ADGRB3: variants seen among roughly 807,000 people sequenced by gnomAD.
ADGRB3 encodes adhesion G protein-coupled receptor B3, also known as brain-specific angiogenesis inhibitor 3.
In ADGRB3, 37 loss-of-function variants were observed where a neutral mutation model predicts 193.4. The ratio of observed to expected loss-of-function variants is 0.19; its 90% confidence interval spans 0.15 to 0.25. The LOEUF (loss-of-function observed/expected upper bound fraction) is 0.25. Among genes scored for constraint, ADGRB3 ranks in the 10% least tolerant of loss-of-function variants. The pLI is 1.00. For missense variants in ADGRB3, 1,637 were observed against 1,852.9 expected, an observed-to-expected ratio of 0.88 and a Z score of 2.14; for synonymous variants, 690 against 644.2, an observed-to-expected ratio of 1.07 and a Z score of -1.08.
intron 3 of ADGRB3, among the ~76,000 whole-genome samples, chr6:68,678,343 A>G (rs1764806914): frequency 6.6e-6 from 1 of 152,216 alleles, no homozygotes; most frequent in Non-Finnish European, 1.5e-5. Context: ...TTTGATAAAA[A>G]CAGGAAGGTC....
intron 3 of ADGRB3, among the ~76,000 whole-genome samples, chr6:68,807,390 C>A (rs367704971): frequency 2.0e-5 from 3 of 151,898 alleles, no homozygotes; most frequent in Non-Finnish European, 2.9e-5. Context: ...AGGCGCCCCC[C>A]ACCTTGCCCG....
At chr6:69,225,547 T>G (rs1765991922) in intron 17 of ADGRB3, among the ~76,000 whole-genome samples, 1 of 152,202 alleles carries the variant, frequency 6.6e-6, no homozygotes. Context: ...ACCAGGTAGA[T>G]GTCCTTAGGA....
At chr6:69,181,359 T>C (rs1209290292) in intron 17 of ADGRB3, among the ~76,000 whole-genome samples, 1 of 152,176 alleles carries the variant, frequency 6.6e-6, no homozygotes, top group Admixed American at 6.5e-5. Context: ...ATAATATTCT[T>C]ATTTTTTTAA....
intron 3 of ADGRB3, among the ~76,000 whole-genome samples, chr6:68,641,418 T>C (rs954392526): frequency 6.6e-6 from 1 of 152,150 alleles, no homozygotes; most frequent in South Asian, 2.1e-4. Flanking sequence ...AGCAGATGTA[T>C]AAATCATGGG....
intron 3 of ADGRB3, among the ~76,000 whole-genome samples, chr6:68,667,251 TA>T (rs899954326): frequency 6.6e-6 from 1 of 151,872 alleles, no homozygotes; most frequent in Admixed American, 6.6e-5. Context: ...AAGGAACTTG[TA>T]AGATTTACAA....
rs140234329 is a variant in ADGRB3, at chr6:68,702,208, AAGAGAGAGAG to A, written c.757+62789_757+62798del. On this transcript the variant is annotated intron_variant, in intron 3 of 31. Transcript: ENST00000370598. ...TCACATGGCAAGAACAGGAGCGAGA[AAGAGAGAGAG>A]AGAGAGAGAGAGGAGAGGGAGGGAA... is the stretch of plus-strand genomic sequence containing the variant. Among the ~76,000 whole-genome samples, 9 of 149,152 alleles carry A rather than the reference AAGAGAGAGAG, an allele frequency of 6.0e-5. No individual in the cohort carries two copies. In the East Asian group the frequency reaches 1.4e-3, roughly 23 times the overall value.
chr6:69,188,909 A>T (rs967172027), intron 17 of ADGRB3, among the ~76,000 whole-genome samples: 1 of 152,126 alleles, frequency 6.6e-6, no homozygotes, highest in Admixed American at 6.6e-5. Flanking sequence ...ATGCCTTTTT[A>T]TATGTATCTG....
intron 20 of ADGRB3, among the ~76,000 whole-genome samples, chr6:69,265,701 A>G (rs1422993352): frequency 6.6e-6 from 1 of 152,040 alleles, no homozygotes; most frequent in Non-Finnish European, 1.5e-5. Flanking sequence ...GGCTAATTTT[A>G]GAAATAGAAT....
chr6:69,165,088 G>A (rs1775097448), intron 17 of ADGRB3, among the ~76,000 whole-genome samples: 1 of 151,820 alleles, frequency 6.6e-6, no homozygotes. Flanking sequence ...ATTGCCACTA[G>A]GAGGACCTTT....
intron 30 of ADGRB3, 87 bp downstream of exon 30, chr6:69,372,528 C>A: frequency 1.7e-6 from 1 of 602,006 alleles, no homozygotes; most frequent in South Asian, 3.3e-5. Context: ...CTCTATGCAG[C>A]CATGTAAGGG....
intron 11 of ADGRB3, among the ~76,000 whole-genome samples, chr6:69,003,468 A>T (rs778885069): frequency 7.2e-5 from 11 of 152,154 alleles, no homozygotes; most frequent in African/African-American, 1.2e-4. Flanking sequence ...GAGCAAGGGG[A>T]TAAGAAAAAT....
chr6:68,650,705 T>A (rs2127280539), intron 3 of ADGRB3, among the ~76,000 whole-genome samples: 1 of 152,308 alleles, frequency 6.6e-6, no homozygotes, highest in Non-Finnish European at 1.5e-5. Flanking sequence ...CTTCTTCGTT[T>A]TATTCCGGAA....
At chr6:69,274,620 TC>T (rs1213914906) in intron 20 of ADGRB3, among the ~76,000 whole-genome samples, 1 of 93,564 alleles carries the variant, frequency 1.1e-5, no homozygotes, top group African/African-American at 3.7e-5. Flanking sequence ...CCTCCCTCCC[TC>T]CCTTCCTTCC....
rs1415511270 is a variant in ADGRB3 at position 68,772,884 on chromosome 6, A to AACAAAC, written c.757+133453_757+133454insCAAACA. On this transcript the variant is annotated intron_variant, in intron 3 of 31. Coordinates refer to ENST00000370598, the MANE Select transcript of ADGRB3 (RefSeq NM_001704.3). ...AAACAAACAAACAAACAAACAAACA[A>AACAAAC]AAAAAAAAAAATATATATATATATA... 2.0e-3 allele frequency among the ~76,000 whole-genome samples: 72 copies of AACAAAC among 35,272 alleles called. 1 individual carries two copies. Among genetic ancestry groups the AACAAAC allele is most frequent in the African/African-American group, 8.6e-3 (39 of 4,524 alleles). 23.1% of individuals were successfully genotyped at this position (35,272 alleles called of 152,430 possible). A position where few individuals can be genotyped will look rare whatever the true frequency, so the allele number is the denominator to read the frequency against.
chr6:69,149,176 C>T (rs1005343467), intron 17 of ADGRB3, among the ~76,000 whole-genome samples: 4 of 152,000 alleles, frequency 2.6e-5, no homozygotes, highest in Non-Finnish European at 5.9e-5. Flanking sequence ...CTTAAATTTG[C>T]TCTTTTGGGG....
chr6:69,382,974 A>T (rs774211304), intron 31 of ADGRB3, 39 bp downstream of exon 31: 1 of 1,347,982 alleles, frequency 7.4e-7, no homozygotes, highest in Admixed American at 1.8e-5. Context: ...TAGAAGATGC[A>T]TCATGTCAGA....
chr6:68,766,994 T>C (rs1468440571), intron 3 of ADGRB3, among the ~76,000 whole-genome samples: 1 of 152,098 alleles, frequency 6.6e-6, no homozygotes, highest in African/African-American at 2.4e-5. Context: ...TTTTGACTAG[T>C]CATGGTCGTA....
intron 20 of ADGRB3, among the ~76,000 whole-genome samples, chr6:69,267,286 G>A (rs769848563): frequency 6.6e-6 from 1 of 152,006 alleles, no homozygotes; most frequent in Non-Finnish European, 1.5e-5. Flanking sequence ...CCAAATTGTT[G>A]GTCTTGTCCC....
intron 3 of ADGRB3, among the ~76,000 whole-genome samples, chr6:68,701,992 G>T (rs1285252167): frequency 6.6e-6 from 1 of 152,128 alleles, no homozygotes; most frequent in Admixed American, 6.6e-5. Flanking sequence ...AGTTTATTCT[G>T]GTTTGGCAGG....
Sources: gnomAD v4.1 joint callset for allele counts (sites outside exome capture counted in the v4.1 genomes callset) on GRCh38, gnomAD v4.1.1 for gene constraint, MANE v1.5 for transcripts, NCBI Gene and HGNC (gene_info 2026-07-23, HGNC 2026-07-21) for gene names.